Variants in DACH2 observed in about 807,000 individuals in gnomAD.
The protein encoded by DACH2 is dachshund homolog 2.
In DACH2, 17 loss-of-function variants were observed where a neutral mutation model predicts 35.8. That is an observed-to-expected ratio of 0.48 (90% CI 0.33 to 0.71). DACH2 has a LOEUF of 0.71. Ranked by LOEUF, DACH2 falls within the 30% of genes least tolerant of loss-of-function variation. The pLI is 0.02. For synonymous variants in DACH2, 195 were observed against 177.3 expected (o/e 1.10, Z -0.79); for missense variants, 469 against 472.7 (o/e 0.99, Z 0.07).
intron 1 of DACH2, among the ~76,000 whole-genome samples, chrX:86,328,109 A>C (rs1049854781): frequency 9.0e-5 from 10 of 111,410 alleles, no homozygotes; most frequent in African/African-American, 2.9e-4. Context: ...TACATACTAA[A>C]ACATGAAAAT....
chrX:86,409,689 C>A (rs1318763286), intron 2 of DACH2, among the ~76,000 whole-genome samples: 3 of 111,757 alleles, frequency 2.7e-5, no homozygotes, highest in African/African-American at 6.5e-5. Context: ...ACCAATCAAA[C>A]CTTTTTCGTT....
At chrX:86,627,282 G>A (rs1404379654) in intron 3 of DACH2, among the ~76,000 whole-genome samples, 1 of 111,587 alleles carries the variant, frequency 9.0e-6, no homozygotes, top group Non-Finnish European at 1.9e-5. Context: ...TATAGCAAGA[G>A]TCACCTTTAT....
rs190221852 is a variant in DACH2, at chrX:86,151,675, C to T, written c.488+2567C>T. ...AATATAATAATGCATTTAATAAATG[C>T]TTTATGATGTTAGGTAAGATTATTT... On this transcript the variant is annotated intron_variant, in intron 1 of 11. Transcript: ENST00000373125. Among the ~76,000 whole-genome samples, 16 of 111,322 alleles carry T rather than the reference C, an allele frequency of 1.4e-4. No individual in the cohort carries two copies. The Admixed American group carries it at 1.5e-3, about 11-fold the overall frequency.
intron 7 of DACH2, among the ~76,000 whole-genome samples, chrX:86,810,709 C>T (rs1369110442): frequency 9.0e-6 from 1 of 111,313 alleles, no homozygotes; most frequent in Non-Finnish European, 1.9e-5. Flanking sequence ...CTTAGATCTG[C>T]TGCCTAAGAC....
intron 6 of DACH2, among the ~76,000 whole-genome samples, chrX:86,726,834 GC>G (rs1042102722): frequency 1.7e-4 from 19 of 111,868 alleles, no homozygotes; most frequent in East Asian, 2.8e-4. Context: ...ATGTCCAGGA[GC>G]TTTTCTTGGT....
At position 86,290,679 on chromosome X, in the gene DACH2, A is replaced by G. The variant is rs749318406; in HGVS notation, c.489-86145A>G. On this transcript the variant is annotated intron_variant, in intron 1 of 11. Coordinates refer to ENST00000373125, the MANE Select transcript of DACH2 (RefSeq NM_053281.3). ...TCCCAGCACCATTTATTAAATAGGG[A>G]ATCCTTTCCCCATTGCTTGTTTTTC... Among the ~76,000 whole-genome samples the G allele has an allele frequency of 3.2e-4, 34 of 104,760 alleles. 1 individual carries two copies. The East Asian group carries it at 5.8e-3, about 18-fold the overall frequency. The allele number at this position is 104,760 out of a possible 115,157, so 91.0% of individuals were successfully genotyped here. A position where few individuals can be genotyped will look rare whatever the true frequency, so the allele number is the denominator to read the frequency against.
intron 7 of DACH2, among the ~76,000 whole-genome samples, chrX:86,741,198 C>G (rs1193625134): frequency 9.0e-6 from 1 of 111,213 alleles, no homozygotes; most frequent in Non-Finnish European, 1.9e-5. Context: ...ATTTGGGAGG[C>G]TAGGGAAGGT....
intron 2 of DACH2, among the ~76,000 whole-genome samples, chrX:86,512,690 A>G (rs1299610305): frequency 8.9e-6 from 1 of 112,256 alleles, no homozygotes; most frequent in Non-Finnish European, 1.9e-5. Flanking sequence ...TTTAGAAAGT[A>G]TAGATTTGAT....
chrX:86,451,753 T>A (rs1359405550), intron 2 of DACH2, among the ~76,000 whole-genome samples: 1 of 111,171 alleles, frequency 9.0e-6, no homozygotes, highest in Non-Finnish European at 1.9e-5. Flanking sequence ...TTTGTAGTTC[T>A]TTTTAAAGAG....
At position 86,244,568 on chromosome X, in the gene DACH2, T is replaced by G. The variant is rs368636264; in HGVS notation, c.488+95460T>G. Reference sequence around the variant, plus strand: ...GTTTGACACTGCAGTGAGCCACAATTGTACCACTGCATTCCAGCCTGGGCA... The same window carrying G: ...GTTTGACACTGCAGTGAGCCACAATGGTACCACTGCATTCCAGCCTGGGCA... On this transcript the variant is annotated intron_variant, in intron 1 of 11. Transcript: ENST00000373125. 3.6e-5 allele frequency among the ~76,000 whole-genome samples: 4 copies of G among 111,618 alleles called. No homozygotes were observed. The East Asian group carries it at 1.1e-3, about 32-fold the overall frequency.
intron 1 of DACH2, among the ~76,000 whole-genome samples, chrX:86,358,521 A>C (rs1256442569): frequency 9.3e-6 from 1 of 107,574 alleles, no homozygotes; most frequent in African/African-American, 3.4e-5. Context: ...GAGTGATGGC[A>C]ATGCCCCTAC....
chrX:86,357,575 T>C (rs2035663807), intron 1 of DACH2, among the ~76,000 whole-genome samples: 1 of 112,444 alleles, frequency 8.9e-6, no homozygotes, highest in South Asian at 3.6e-4. Context: ...TAAAATTCTG[T>C]TATGTGACAT....
intron 1 of DACH2, among the ~76,000 whole-genome samples, chrX:86,289,074 C>A (rs773662364): frequency 9.1e-6 from 1 of 109,763 alleles, no homozygotes; most frequent in African/African-American, 3.3e-5. Flanking sequence ...TATTCAGGGG[C>A]CAAGGGCACT....
intron 3 of DACH2, among the ~76,000 whole-genome samples, chrX:86,613,980 A>G (rs186429258): frequency 1.8e-5 from 2 of 111,968 alleles, no homozygotes; most frequent in African/African-American, 6.5e-5. Flanking sequence ...TGACAAACTT[A>G]TTACCATGCA....
chrX:86,231,730 AC>A (rs1328094766), intron 1 of DACH2, among the ~76,000 whole-genome samples: 1 of 111,914 alleles, frequency 8.9e-6, no homozygotes, highest in Non-Finnish European at 1.9e-5. Flanking sequence ...CTGGATTCAC[AC>A]CCTCCCCTGA....
chrX:86,818,408 A>T (rs932658886), intron 11 of DACH2, among the ~76,000 whole-genome samples: 3 of 111,409 alleles, frequency 2.7e-5, no homozygotes, highest in African/African-American at 9.7e-5. Flanking sequence ...TAAAAATCCC[A>T]ATCATTTTGC....
Position 86,284,259 on chromosome X carries a change from T to C in DACH2, c.489-92565T>C, listed in dbSNP as rs749857403. Reference sequence around the variant, plus strand: ...TCTGTCATATATGGCTTATATTATGTTCTTTCTATCCCCAGATTTTTAGGG... The same window carrying C: ...TCTGTCATATATGGCTTATATTATGCTCTTTCTATCCCCAGATTTTTAGGG... On this transcript the variant is annotated intron_variant, in intron 1 of 11. Transcript: ENST00000373125. Among the ~76,000 whole-genome samples, 169 of 111,853 alleles carry C rather than the reference T, an allele frequency of 1.5e-3. 1 individual carries two copies. The highest frequency in any genetic ancestry group is 5.3e-3 in the African/African-American group (163 of 30,853).
chrX:86,831,741 A>G, intron 11 of DACH2: 1 of 124,766 alleles, frequency 8.0e-6, no homozygotes, highest in Non-Finnish European at 1.6e-5. Context: ...ATAACCAGAT[A>G]CTCTTTTCCC....
chrX:86,328,650 T>C (rs918635861), intron 1 of DACH2, among the ~76,000 whole-genome samples: 3 of 111,853 alleles, frequency 2.7e-5, no homozygotes, highest in African/African-American at 9.7e-5. Context: ...TCGTTTCAGC[T>C]TTGAGTCTCT....
Sources: gnomAD v4.1 joint callset for allele counts (sites outside exome capture counted in the v4.1 genomes callset) on GRCh38, gnomAD v4.1.1 for gene constraint, MANE v1.5 for transcripts, NCBI Gene and HGNC (gene_info 2026-07-23, HGNC 2026-07-21) for gene names.